TBC1D5: variants seen among roughly 807,000 people sequenced by gnomAD.
TBC1D5 encodes the protein TBC1 domain family member 5.
A neutral mutation model predicts 100.3 loss-of-function variants in TBC1D5; 75 were observed. The ratio of observed to expected loss-of-function variants is 0.75; its 90% confidence interval spans 0.62 to 0.91. The LOEUF (loss-of-function observed/expected upper bound fraction) is 0.91. Among genes scored for constraint, TBC1D5 ranks in the 40% least tolerant of loss-of-function variants. TBC1D5 has a pLI of 0.00. For missense variants in TBC1D5, 910 were observed against 942.4 expected (o/e 0.97, Z 0.45); for synonymous variants, 323 against 325.6 (o/e 0.99, Z 0.09).
At chr3:17,693,074 C>G (rs903987870) in intron 1 of TBC1D5, among the ~76,000 whole-genome samples, 1 of 152,246 alleles carries the variant, frequency 6.6e-6, no homozygotes, top group Non-Finnish European at 1.5e-5. Context: ...CAGATGTGAA[C>G]CCTTGACCTT....
At chr3:17,237,767 T>G (rs781499869) in intron 17 of TBC1D5, among the ~76,000 whole-genome samples, 6 of 152,224 alleles carry the variant, frequency 3.9e-5, no homozygotes, top group Admixed American at 6.5e-5. Context: ...ACAACTGTAA[T>G]GCACCAACGA....
intron 1 of TBC1D5, among the ~76,000 whole-genome samples, chr3:17,697,300 A>G (rs1387267130): frequency 6.6e-6 from 1 of 152,234 alleles, no homozygotes; most frequent in African/African-American, 2.4e-5. Context: ...AATTAGGAAA[A>G]GAGGAAGTCA....
intron 3 of TBC1D5, among the ~76,000 whole-genome samples, chr3:17,445,560 A>G (rs926296263): frequency 3.3e-5 from 5 of 152,174 alleles, no homozygotes; most frequent in African/African-American, 1.2e-4. Context: ...TGCTTTCCGT[A>G]GTTTCAGTTA....
At chr3:17,182,045 C>G (rs1044632892) in intron 19 of TBC1D5, among the ~76,000 whole-genome samples, 13 of 152,042 alleles carry the variant, frequency 8.6e-5, no homozygotes, top group African/African-American at 3.1e-4. Flanking sequence ...CTTAAGAAGC[C>G]ATAATATGTT....
At chr3:17,572,435 CCTCT>C (rs143971206) in intron 2 of TBC1D5, among the ~76,000 whole-genome samples, 1 of 150,914 alleles carries the variant, frequency 6.6e-6, no homozygotes, top group African/African-American at 2.4e-5. Context: ...ATAACATCAA[CCTCT>C]CTCTCTCTCC....
At chr3:17,679,079 GAA>G (rs34135899) in intron 1 of TBC1D5, among the ~76,000 whole-genome samples, 13 of 142,052 alleles carry the variant, frequency 9.2e-5, no homozygotes, top group East Asian at 2.0e-4. Flanking sequence ...AAAAGTTACA[GAA>G]AAAAAAAAAA....
rs529653486 is a variant in TBC1D5 at position 17,239,670 on chromosome 3, T to TAACCACTACTTTCTCTCTC, written c.1332-1270_1332-1252dup. 7.4e-4 allele frequency among the ~76,000 whole-genome samples: 113 copies of TAACCACTACTTTCTCTCTC among 152,272 alleles called. 2 individuals are homozygous for TAACCACTACTTTCTCTCTC. In the South Asian group the frequency reaches 0.011, roughly 15 times the overall value. On this transcript the variant is annotated intron_variant, in intron 16 of 21. Transcript: ENST00000253692. ...ACCTCTCAGCAGCTATCAACTCTCTTAACCACTACTTTCTCTCTCATATTT... is the reference window on the plus strand; with the variant it reads ...ACCTCTCAGCAGCTATCAACTCTCTTAACCACTACTTTCTCTCTCAACCACTACTTTCTCTCTCATATTT...
rs571180092 is a variant in TBC1D5, at chr3:17,666,509, T to C, written c.-100-42596A>G. ...TAATTATAAGCACTCAAATAATTCA[T>C]TAATTTTTGCAACATTTTAGAACTG... On this transcript the variant is annotated intron_variant, in intron 1 of 21. Coordinates refer to ENST00000253692, the Ensembl canonical transcript of TBC1D5. Among the ~76,000 whole-genome samples the C allele has an allele frequency of 1.9e-4, 29 of 152,318 alleles. No individual in the cohort carries two copies. In the South Asian group the frequency reaches 4.8e-3, roughly 25 times the overall value.
intron 1 of TBC1D5, among the ~76,000 whole-genome samples, chr3:17,667,648 C>T (rs1460712823): frequency 3.3e-5 from 5 of 151,848 alleles, no homozygotes; most frequent in Non-Finnish European, 5.9e-5. Context: ...GATGGAGTTT[C>T]GCCATGTTGC....
intron 1 of TBC1D5, among the ~76,000 whole-genome samples, chr3:17,713,067 G>C (rs1398646151): frequency 2.0e-5 from 3 of 152,010 alleles, no homozygotes; most frequent in Non-Finnish European, 4.4e-5. Context: ...ATCTGACGAG[G>C]TCGTCTCCTG....
chr3:17,487,090 T>C (rs527396627), intron 3 of TBC1D5, among the ~76,000 whole-genome samples: 2 of 152,322 alleles, frequency 1.3e-5, no homozygotes, highest in East Asian at 3.9e-4. Context: ...TATAGCCTCT[T>C]GTTTAAGTAA....
chr3:17,559,810 C>G (rs1190646000), intron 2 of TBC1D5, among the ~76,000 whole-genome samples: 1 of 151,784 alleles, frequency 6.6e-6, no homozygotes, highest in African/African-American at 2.4e-5. Flanking sequence ...AGGCTGGTCT[C>G]GAACTCCTGA....
At chr3:17,455,466 ATG>A (rs1426791811) in intron 3 of TBC1D5, among the ~76,000 whole-genome samples, 2 of 146,304 alleles carry the variant, frequency 1.4e-5, no homozygotes, top group African/African-American at 2.5e-5. Flanking sequence ...GTGTATATAT[ATG>A]TGTATATATA....
chr3:17,359,043 G>T (rs1331196595), intron 13 of TBC1D5, among the ~76,000 whole-genome samples: 1 of 151,888 alleles, frequency 6.6e-6, no homozygotes, highest in Non-Finnish European at 1.5e-5. Flanking sequence ...TTTAAATTCT[G>T]TTACAAATCT....
intron 18 of TBC1D5, among the ~76,000 whole-genome samples, chr3:17,196,645 C>T (rs58021043): frequency 2.0e-5 from 3 of 152,172 alleles, no homozygotes; most frequent in African/African-American, 4.8e-5. Context: ...ACGATGCACA[C>T]GTTGGTGTCG....
chr3:17,710,655 CAG>C (rs2074629199), intron 1 of TBC1D5, among the ~76,000 whole-genome samples: 1 of 151,692 alleles, frequency 6.6e-6, no homozygotes, highest in South Asian at 2.1e-4. Flanking sequence ...GAGGAAAAGA[CAG>C]GGTGAAGATT....
chr3:17,613,608 G>GT (rs1560283021), intron 2 of TBC1D5, among the ~76,000 whole-genome samples: 1 of 152,156 alleles, frequency 6.6e-6, no homozygotes, highest in Admixed American at 6.5e-5. Flanking sequence ...TCTCACTGTG[G>GT]TTTTGACTTG....
chr3:17,446,757 G>T (rs541462754), intron 3 of TBC1D5, among the ~76,000 whole-genome samples: 31 of 152,280 alleles, frequency 2.0e-4, no homozygotes, highest in Admixed American at 3.3e-4. Flanking sequence ...GGATCACGAC[G>T]TCAGGAGATT....
At chr3:17,600,879 T>C (rs2060893721) in intron 2 of TBC1D5, among the ~76,000 whole-genome samples, 1 of 152,104 alleles carries the variant, frequency 6.6e-6, no homozygotes, top group Non-Finnish European at 1.5e-5. Context: ...ATCCTTGAAA[T>C]ATTTCGTGTT....
Sources: allele counts gnomAD v4.1 joint callset (sites outside exome capture counted in the v4.1 genomes callset), GRCh38; gene constraint gnomAD v4.1.1; transcripts MANE v1.5; gene names NCBI Gene and HGNC (gene_info 2026-07-23, HGNC 2026-07-21).